Variants in RPTOR observed in about 807,000 individuals in gnomAD.
The protein encoded by RPTOR is regulatory-associated protein of mTOR.
In RPTOR, 21 loss-of-function variants were observed where a neutral mutation model predicts 169.9. The ratio of observed to expected loss-of-function variants is 0.12; its 90% CI spans 0.09 to 0.18. RPTOR has a LOEUF of 0.18. Ranked by LOEUF, RPTOR falls within the 10% of genes least tolerant of loss-of-function variation. The pLI is 1.00. For missense variants in RPTOR, 1,133 were observed against 1,855.9 expected, an observed-to-expected ratio of 0.61 and a Z score of 7.16; for synonymous variants, 732 against 753.2, an observed-to-expected ratio of 0.97 and a Z score of 0.46.
intron 4 of RPTOR, among the ~76,000 whole-genome samples, chr17:80,711,376 C>T (rs1564868): frequency 0.47 from 53,650 of 115,018 alleles, 9,824 homozygotes; most frequent in African/African-American, 0.56. Flanking sequence ...CACTTTTTTT[C>T]TTGTCCCCTG....
intron 6 of RPTOR, among the ~76,000 whole-genome samples, chr17:80,777,114 G>A (rs2066898760): frequency 6.6e-6 from 1 of 152,216 alleles, no homozygotes; most frequent in East Asian, 1.9e-4. Context: ...GTGCACACCT[G>A]TAATCCCATC....
At chr17:80,729,955 A>G (rs991437773) in intron 4 of RPTOR, among the ~76,000 whole-genome samples, 4 of 152,210 alleles carry the variant, frequency 2.6e-5, no homozygotes, top group Non-Finnish European at 4.4e-5. Flanking sequence ...TCCCGCAGTG[A>G]AAACTGAGAC....
intron 4 of RPTOR, among the ~76,000 whole-genome samples, chr17:80,717,284 T>C (rs1053022851): frequency 6.6e-6 from 1 of 152,310 alleles, no homozygotes; most frequent in East Asian, 1.9e-4. Context: ...TATGTCACCA[T>C]TAAAATGTGA....
intron 4 of RPTOR, among the ~76,000 whole-genome samples, chr17:80,728,184 G>A (rs557490702): frequency 4.6e-5 from 7 of 152,062 alleles, no homozygotes; most frequent in Admixed American, 1.3e-4. Flanking sequence ...GTTTGTTTTC[G>A]TTTTGTCCCT....
chr17:80,874,494 A>G (rs1412173047), intron 13 of RPTOR, among the ~76,000 whole-genome samples: 3 of 152,230 alleles, frequency 2.0e-5, no homozygotes, highest in African/African-American at 7.2e-5. Context: ...CAGAAAATCA[A>G]TGTGTCTATA....
chr17:80,755,437 AAAAAG>A (rs1214119231), intron 6 of RPTOR, among the ~76,000 whole-genome samples: 1 of 152,080 alleles, frequency 6.6e-6, no homozygotes, highest in Non-Finnish European at 1.5e-5. Flanking sequence ...CCTTGTCTCT[AAAAAG>A]AAAATAGAAA....
At chr17:80,559,895 T>C (rs1385141881) in intron 1 of RPTOR, among the ~76,000 whole-genome samples, 1 of 152,212 alleles carries the variant, frequency 6.6e-6, no homozygotes, top group Non-Finnish European at 1.5e-5. Context: ...ACGTTACATA[T>C]GGTGAAATGC....
intron 13 of RPTOR, among the ~76,000 whole-genome samples, chr17:80,866,072 C>A (rs1378418656): frequency 6.6e-6 from 1 of 150,700 alleles, no homozygotes; most frequent in Non-Finnish European, 1.5e-5. Context: ...TATATATGTG[C>A]TTAATGCAAA....
intron 13 of RPTOR, 82 bp from the exon 14 acceptor site, chr17:80,880,333 T>G: frequency 8.5e-7 from 1 of 1,177,922 alleles, no homozygotes; most frequent in Non-Finnish European, 1.3e-6. Context: ...TCCCTGCCCT[T>G]ATTCGTTCAC....
intron 1 of RPTOR, among the ~76,000 whole-genome samples, chr17:80,591,344 G>C (rs1322522965): frequency 7.2e-6 from 1 of 139,630 alleles, no homozygotes; most frequent in Admixed American, 7.3e-5. Context: ...CTTTTTTTTG[G>C]AGACAGAGTT....
intron 24 of RPTOR, among the ~76,000 whole-genome samples, chr17:80,935,345 TA>T (rs1489459672): frequency 1.3e-5 from 2 of 152,004 alleles, no homozygotes; most frequent in Admixed American, 1.3e-4. Flanking sequence ...TTGGTAAAAA[TA>T]GAGAAGTTTA....
At chr17:80,920,065 T>A (rs1046230385) in intron 21 of RPTOR, among the ~76,000 whole-genome samples, 1 of 152,216 alleles carries the variant, frequency 6.6e-6, no homozygotes, top group Non-Finnish European at 1.5e-5. Context: ...CCCTTCCTGG[T>A]GCTGCGCTCT....
intron 6 of RPTOR, among the ~76,000 whole-genome samples, chr17:80,764,112 C>G (rs1314039255): frequency 6.7e-6 from 1 of 148,520 alleles, no homozygotes; most frequent in Non-Finnish European, 1.5e-5. Context: ...CGTATGACTT[C>G]TTTTGTTATT....
intron 1 of RPTOR, among the ~76,000 whole-genome samples, chr17:80,618,536 C>T (rs1259381639): frequency 1.3e-5 from 2 of 152,166 alleles, no homozygotes; most frequent in African/African-American, 2.4e-5. Context: ...GTGCGAAGGT[C>T]GCCGTGGGCG....
chr17:80,794,456 A>G (rs1026350029), intron 7 of RPTOR, among the ~76,000 whole-genome samples: 1 of 152,216 alleles, frequency 6.6e-6, no homozygotes, highest in Non-Finnish European at 1.5e-5. Flanking sequence ...AACTCACATC[A>G]CAGCTGCTGG....
At chr17:80,654,565 A>G (rs1196320792) in intron 3 of RPTOR, among the ~76,000 whole-genome samples, 3 of 152,226 alleles carry the variant, frequency 2.0e-5, no homozygotes, top group Non-Finnish European at 4.4e-5. Context: ...TAAAGCGCAT[A>G]GCAGAACCGG....
intron 1 of RPTOR, among the ~76,000 whole-genome samples, chr17:80,605,471 G>A (rs890282964): frequency 1.1e-4 from 16 of 152,166 alleles, no homozygotes; most frequent in Admixed American, 2.0e-4. Flanking sequence ...GGGTTTTTCC[G>A]TTACTGTGTC....
intron 3 of RPTOR, among the ~76,000 whole-genome samples, chr17:80,653,139 T>C (rs1218952196): frequency 3.9e-5 from 6 of 152,216 alleles, no homozygotes; most frequent in Non-Finnish European, 8.8e-5. Context: ...TTGAATAAGG[T>C]ATAATTTCTG....
intron 6 of RPTOR, among the ~76,000 whole-genome samples, chr17:80,760,245 C>A (rs1052456413): frequency 1.3e-5 from 2 of 150,870 alleles, no homozygotes; most frequent in Non-Finnish European, 2.9e-5. Context: ...GAAAGAGCCA[C>A]AGGCAATATA....
Sources: gnomAD v4.1 joint callset for allele counts (sites outside exome capture counted in the v4.1 genomes callset) on GRCh38, gnomAD v4.1.1 for gene constraint, MANE v1.5 for transcripts, NCBI Gene and HGNC (gene_info 2026-07-23, HGNC 2026-07-21) for gene names.